The following SLC27A6 variants were observed in gnomAD, a reference collection of about 807,000 sequenced individuals.
SLC27A6 encodes the protein solute carrier family 27 member 6, also known as long-chain fatty acid transport protein 6.
Under a neutral mutation model 63.9 loss-of-function variants are expected in SLC27A6, and 74 were observed. The ratio of observed to expected loss-of-function variants is 1.16; its 90% CI spans 0.96 to 1.40. SLC27A6 has a LOEUF of 1.40. SLC27A6 is among the 40% of genes most tolerant of loss of function. SLC27A6 has a pLI of 0.00. For synonymous variants in SLC27A6, 287 were observed against 260.8 expected (o/e 1.10, Z -0.97); for missense variants, 794 against 732.9 (o/e 1.08, Z -0.96).
At chr5:129,016,165 G>A in intron 5 of SLC27A6, 86 bp downstream of exon 5, 6 of 914,428 alleles carry the variant, frequency 6.6e-6, no homozygotes, top group Non-Finnish European at 9.9e-6. Context: ...CGCCGAGGTG[G>A]GCAGATCATG....
chr5:128,976,587 C>G (rs1750390381), intron 1 of SLC27A6, among the ~76,000 whole-genome samples: 2 of 152,124 alleles, frequency 1.3e-5, no homozygotes, highest in South Asian at 2.1e-4. Context: ...TTTTCTTAGT[C>G]TTTAAAAAAC....
intron 9 of SLC27A6, among the ~76,000 whole-genome samples, chr5:129,031,114 T>C (rs753954810): frequency 6.6e-6 from 1 of 152,008 alleles, no homozygotes; most frequent in Non-Finnish European, 1.5e-5. Flanking sequence ...AAGACTACTT[T>C]AGAAGATTAG....
At chr5:129,023,859 G>A (rs1255509803) in intron 6 of SLC27A6, 149 bp downstream of exon 6, 12 of 618,486 alleles carry the variant, frequency 1.9e-5, no homozygotes, top group Non-Finnish European at 3.4e-5. Flanking sequence ...AAATGATACA[G>A]TATTTGCCTA....
intron 9 of SLC27A6, among the ~76,000 whole-genome samples, chr5:129,031,594 A>T (rs957758421): frequency 2.6e-4 from 40 of 152,090 alleles, no homozygotes; most frequent in Non-Finnish European, 5.3e-4. Context: ...ATGTATAAAG[A>T]TTTTAATATT....
At chr5:128,990,056 G>C (rs1750923949) in intron 3 of SLC27A6, among the ~76,000 whole-genome samples, 1 of 152,044 alleles carries the variant, frequency 6.6e-6, no homozygotes. Flanking sequence ...CAATAGCCAT[G>C]CTCTAATACT....
chr5:128,969,444 G>A (rs931340557), intron 1 of SLC27A6, among the ~76,000 whole-genome samples: 3 of 152,144 alleles, frequency 2.0e-5, no homozygotes, highest in African/African-American at 7.2e-5. Context: ...ATTTCGTTGA[G>A]CAGTGGTTTG....
At chr5:128,996,859 G>C (rs940844843) in intron 4 of SLC27A6, among the ~76,000 whole-genome samples, 15 of 152,070 alleles carry the variant, frequency 9.9e-5, no homozygotes, top group African/African-American at 3.6e-4. Flanking sequence ...TCTTGAACTT[G>C]TTTGTTTGTT....
chr5:129,019,633 C>A (rs1752012268), intron 5 of SLC27A6, among the ~76,000 whole-genome samples: 1 of 151,088 alleles, frequency 6.6e-6, no homozygotes, highest in African/African-American at 2.4e-5. Context: ...CATAAATAAA[C>A]AAAATGAACT....
intron 1 of SLC27A6, among the ~76,000 whole-genome samples, chr5:128,984,928 C>T (rs1750733402): frequency 6.6e-6 from 1 of 152,174 alleles, no homozygotes. Flanking sequence ...TTGCATTGGT[C>T]TGTCAGGTGA....
intron 1 of SLC27A6, among the ~76,000 whole-genome samples, chr5:128,969,641 T>A (rs1488441639): frequency 6.6e-6 from 1 of 152,228 alleles, no homozygotes; most frequent in Non-Finnish European, 1.5e-5. Flanking sequence ...TGAAGTTGCT[T>A]ATCAGCTTAA....
At chr5:128,974,599 T>C (rs1750313432) in intron 1 of SLC27A6, among the ~76,000 whole-genome samples, 1 of 152,220 alleles carries the variant, frequency 6.6e-6, no homozygotes, top group Non-Finnish European at 1.5e-5. Flanking sequence ...ATTTCTTGGA[T>C]TCTCATTGGA....
At chr5:128,969,347 C>A (rs7381077) in intron 1 of SLC27A6, among the ~76,000 whole-genome samples, 12,663 of 152,134 alleles carry the variant, frequency 0.083, 1,313 homozygotes, top group East Asian at 0.56. Flanking sequence ...CTATAAGTTA[C>A]CTTGGGCAGT....
At chr5:128,975,040 G>C (rs1750328632) in intron 1 of SLC27A6, among the ~76,000 whole-genome samples, 1 of 152,198 alleles carries the variant, frequency 6.6e-6, no homozygotes. Flanking sequence ...TTAATGACAA[G>C]GATACTTTTC....
rs777100207 is a variant in SLC27A6, at chr5:128,985,115, C to T, written c.482-18C>T. 2 of 1,601,166 alleles carry T rather than the reference C, an allele frequency of 1.2e-6. No individual in the cohort carries two copies. The highest frequency in any genetic ancestry group is 1.7e-5 in the Admixed American group (1 of 59,732). On this transcript the variant is annotated intron_variant, in intron 1 of 9. Coordinates refer to ENST00000262462, the MANE Select transcript of SLC27A6 (RefSeq NM_001017372.3). ...GATTTAAGGTTTGCTTAACTCTTCC[C>T]AACCCTTTGGCTTTTAGATTTGCTT...
Position 129,015,903 on chromosome 5 carries a change from C to A in SLC27A6, c.988C>A (p.His330Asn). ...CTAACAGAGAGAAGGAGAAAAGGAT[C>A]ATAAGGTGCGTTTGGCAATTGGAAA... ...KQSKREGEKD[H>N]KVRLAIGNGI... Residue 330 changes from histidine to asparagine, a missense_variant, in exon 5 of 10, where the codon CAT becomes AAT. Physicochemically the swap from His to Asn is moderately conservative, Grantham distance 68. Coordinates refer to ENST00000262462, the MANE Select transcript of SLC27A6 (RefSeq NM_001017372.3). 1 of 1,593,028 alleles carries A rather than the reference C, an allele frequency of 6.3e-7. No individual in the cohort carries two copies.
At chr5:129,004,552 T>C (rs1281986909) in intron 4 of SLC27A6, among the ~76,000 whole-genome samples, 1 of 152,244 alleles carries the variant, frequency 6.6e-6, no homozygotes, top group Admixed American at 6.5e-5. Flanking sequence ...GTGCTCATTA[T>C]GTTTATGCAT....
chr5:128,992,014 ATAT>A (rs1750999544), intron 4 of SLC27A6, among the ~76,000 whole-genome samples: 1 of 150,954 alleles, frequency 6.6e-6, no homozygotes, highest in Non-Finnish European at 1.5e-5. Flanking sequence ...TTAATTCTTT[ATAT>A]TATTTTATTA....
chr5:128,969,491 A>T (rs1298589623), intron 1 of SLC27A6, among the ~76,000 whole-genome samples: 3 of 152,088 alleles, frequency 2.0e-5, no homozygotes, highest in Non-Finnish European at 4.4e-5. Flanking sequence ...ATCCCTTGTA[A>T]GTTGGATTCC....
chr5:128,988,699 CCCTT>C lies in SLC27A6; in HGVS notation c.789_792del (p.Pro264CysfsTer23), dbSNP rs1222464341. 1 of 1,613,728 alleles carries C rather than the reference CCCTT, an allele frequency of 6.2e-7. No homozygotes were observed. The highest frequency in any genetic ancestry group is 8.5e-7 in the Non-Finnish European group (1 of 1,179,736). ...ACTGCTCATGACATTGTTTATATAA[CCCTT>C]CCTCTGTATCATAGTTCAGCAGCTA... On this transcript the variant is annotated frameshift_variant, in exon 3 of 10. Coordinates refer to ENST00000262462, the MANE Select transcript of SLC27A6 (RefSeq NM_001017372.3). LOFTEE classifies it high-confidence loss of function.
Sources: gnomAD v4.1 joint callset for allele counts (sites outside exome capture counted in the v4.1 genomes callset) on GRCh38, gnomAD v4.1.1 for gene constraint, MANE v1.5 for transcripts, NCBI Gene and HGNC (gene_info 2026-07-23, HGNC 2026-07-21) for gene names.